LRP2: variants seen among roughly 807,000 people sequenced by gnomAD.
LRP2 encodes LDL receptor related protein 2.
In LRP2, 172 loss-of-function variants were observed where a neutral mutation model predicts 531.0. That is an observed-to-expected ratio of 0.32 (90% CI 0.29 to 0.37). LRP2 has a LOEUF of 0.37. LRP2 is among the 10% of genes least tolerant of loss of function. The probability of loss-of-function intolerance (pLI) is 1.00; values close to 1 mark genes in which losing one functional copy is unlikely to be tolerated. For missense variants in LRP2, 5,167 were observed against 5,868.3 expected (o/e 0.88, Z 3.90); for synonymous variants, 1,992 against 2,027.6 (o/e 0.98, Z 0.47).
chr2:169,340,487 C>A (rs1436241089), intron 1 of LRP2, among the ~76,000 whole-genome samples: 1 of 152,166 alleles, frequency 6.6e-6, no homozygotes, highest in Non-Finnish European at 1.5e-5. Flanking sequence ...AAGTCTTAAT[C>A]GATGAGATCA....
chr2:169,355,077 C>T (rs1054178912), intron 1 of LRP2, among the ~76,000 whole-genome samples: 1 of 152,180 alleles, frequency 6.6e-6, no homozygotes, highest in African/African-American at 2.4e-5. Context: ...TCGCTCAGCT[C>T]ATTTTCCAGA....
At chr2:169,242,805 A>G (rs1559036382) in intron 24 of LRP2, 151 bp downstream of exon 24, 1 of 744,508 alleles carries the variant, frequency 1.3e-6, no homozygotes, top group Non-Finnish European at 2.5e-6. Flanking sequence ...ATGTCTACTC[A>G]ATTTTACTGT....
intron 58 of LRP2, among the ~76,000 whole-genome samples, chr2:169,170,921 G>GTTTTTTTT (rs57451386): frequency 6.5e-5 from 6 of 91,846 alleles, no homozygotes; most frequent in African/African-American, 8.6e-5. Flanking sequence ...CTCTCTCTCT[G>GTTTTTTTT]TTTTTTTTTT....
At chr2:169,328,441 T>TAAAAAAAAAAAAAAAAAAAAAAAAAAAA (rs537210492) in intron 1 of LRP2, among the ~76,000 whole-genome samples, 2 of 49,142 alleles carry the variant, frequency 4.1e-5, no homozygotes, top group African/African-American at 7.4e-5. Context: ...CGGGCCGGGA[T>TAAAAAAAAAAAAAAAAAAAAAAAAAAAA]AAAAAAAAAA....
In LRP2 at chr2:169,362,366, G is replaced by A. The variant is rs543322778; in HGVS notation, c.34C>T (p.Leu12=). 19 of 1,570,884 alleles carry A rather than the reference G, an allele frequency of 1.2e-5. No individual in the cohort carries two copies. In the East Asian group the frequency reaches 4.5e-4, roughly 37 times the overall value. ...DRGPAAVACT[L]LLALVACLAP... is the part of the protein sequence containing the mutation. ...AGGCAGGCGACGAGAGCCAGGAGCA[G>A]CGTGCACGCCACTGCTGCCGGCCCG... Residue 12 remains leucine (L), a synonymous_variant, in exon 1 of 79, where the codon CTG becomes TTG. Transcript: ENST00000649046.
At chr2:169,196,574 T>TG (rs891122358) in intron 46 of LRP2, among the ~76,000 whole-genome samples, 6 of 152,252 alleles carry the variant, frequency 3.9e-5, no homozygotes, top group African/African-American at 1.4e-4. Flanking sequence ...GACAGCTTTC[T>TG]GGGCCAGCAC....
intron 28 of LRP2, among the ~76,000 whole-genome samples, chr2:169,236,711 A>G (rs1196387495): frequency 6.6e-6 from 1 of 152,226 alleles, no homozygotes; most frequent in East Asian, 1.9e-4. Context: ...AAACAACATA[A>G]AACTGAAGCA....
At chr2:169,222,186 T>C (rs1176783534) in intron 33 of LRP2, among the ~76,000 whole-genome samples, 2 of 152,188 alleles carry the variant, frequency 1.3e-5, no homozygotes, top group East Asian at 1.9e-4. Context: ...GTTAAACCAT[T>C]AAAAGGGCAG....
chr2:169,145,413 T>C (rs1195593127), intron 70 of LRP2, among the ~76,000 whole-genome samples: 3 of 152,224 alleles, frequency 2.0e-5, no homozygotes, highest in Admixed American at 2.0e-4. Context: ...TTGTGACTTG[T>C]TAACCCAACT....
chr2:169,240,732 A>G (rs1275915682), intron 25 of LRP2: 1 of 585,448 alleles, frequency 1.7e-6, no homozygotes, highest in East Asian at 2.8e-5. Flanking sequence ...AATGGCCTCA[A>G]TTTAGTCTCA....
At chr2:169,160,684 A>AAAAAAAAAAAACAAAAAAAAAAAC (rs1686546375) in intron 63 of LRP2, among the ~76,000 whole-genome samples, 1 of 98,230 alleles carries the variant, frequency 1.0e-5, no homozygotes, top group African/African-American at 4.2e-5. Context: ...TATTTCCTTA[A>AAAAAAAAAAAACAAAAAAAAAAAC]AAAAAAAAAA....
At chr2:169,304,345 T>C (rs1684359855) in intron 4 of LRP2, among the ~76,000 whole-genome samples, 1 of 152,138 alleles carries the variant, frequency 6.6e-6, no homozygotes, top group Non-Finnish European at 1.5e-5. Flanking sequence ...TTAAGCCCTA[T>C]CTCTACTATA....
chr2:169,325,868 C>CAATATT (rs1300217532), intron 1 of LRP2, among the ~76,000 whole-genome samples: 2 of 151,746 alleles, frequency 1.3e-5, no homozygotes, highest in Admixed American at 6.6e-5. Context: ...GATTCAGAGC[C>CAATATT]CTGATGTTTT....
At chr2:169,188,416 A>T (rs1057122191) in intron 48 of LRP2, 151 bp from the exon 49 acceptor site, 1 of 772,614 alleles carries the variant, frequency 1.3e-6, no homozygotes. Context: ...CCTTTCCCCC[A>T]TCATCTTCGT....
chr2:169,352,541 T>C (rs775730956), intron 1 of LRP2, among the ~76,000 whole-genome samples: 57 of 152,182 alleles, frequency 3.7e-4, no homozygotes, highest in Non-Finnish European at 5.0e-4. Context: ...TCCCAAAAAT[T>C]GGTCCAGCCC....
chr2:169,136,390 G>C (rs35898051), intron 76 of LRP2, among the ~76,000 whole-genome samples: 3 of 151,804 alleles, frequency 2.0e-5, no homozygotes, highest in Non-Finnish European at 2.9e-5. Flanking sequence ...AAGAAGGCAG[G>C]AATGTCAGGC....
In LRP2 at chr2:169,294,139, T is replaced by C; in HGVS notation, c.652+9A>G. On this transcript the variant is annotated intron_variant, in intron 6 of 78. Coordinates refer to ENST00000649046, the MANE Select transcript of LRP2 (RefSeq NM_004525.3). ...AACAACATGACCCAGCATAAAGAAA[T>C]CACCGTACTGCAAGCATGTTCGTCA... 1 of 1,585,672 alleles carries C rather than the reference T, an allele frequency of 6.3e-7. No homozygotes were observed. Among genetic ancestry groups the C allele is most frequent in the South Asian group, 1.1e-5 (1 of 90,452 alleles).
intron 6 of LRP2, among the ~76,000 whole-genome samples, chr2:169,292,760 G>A (rs897573077): frequency 2.7e-5 from 4 of 150,654 alleles, no homozygotes; most frequent in African/African-American, 9.8e-5. Flanking sequence ...CCTGGTGGGG[G>A]TGTGTGGAGT....
chr2:169,205,505 G>T lies in LRP2; in HGVS notation c.7689C>A (p.Asp2563Glu), dbSNP rs1427554325. 2.5e-6 allele frequency: 4 copies of T among 1,614,044 alleles called. No individual in the cohort carries two copies. In the East Asian group the frequency reaches 8.9e-5, roughly 36 times the overall value. The change falls in exon 41 of 79, where the codon GAC becomes GAA. Residue 2563 changes from aspartate to glutamate, a missense_variant. Asp to Glu is a conservative substitution (Grantham distance 45). This residue lies in a region of LRP2 where 1,129 missense variants were observed against 1,362.7 expected (regional missense o/e 0.83). Coordinates refer to ENST00000649046, the MANE Select transcript of LRP2 (RefSeq NM_004525.3). The stretch of plus-strand genomic sequence containing the variant: ...GACTAGCATCCACCCAGTAGAGAAG[G>T]TCCTCTTCATAGTCCAGAGTCAGCC... The part of the protein sequence containing the change: ...PSGLTLDYEE[D>E]LLYWVDASLQ...
Sources: allele counts gnomAD v4.1 joint callset (sites outside exome capture counted in the v4.1 genomes callset), GRCh38; gene constraint gnomAD v4.1.1; regional missense constraint gnomAD v4.1.1; transcripts MANE v1.5; gene names NCBI Gene and HGNC (gene_info 2026-07-23, HGNC 2026-07-21).